The following PSMC3 variants were observed in gnomAD, a reference collection of about 807,000 sequenced individuals.
PSMC3 encodes the protein proteasome 26S subunit, ATPase 3.
PSMC3 carries 11 observed loss-of-function variants against 52.0 expected under a neutral mutation model. That is an observed-to-expected ratio of 0.21 (90% CI 0.13 to 0.35). The LOEUF is 0.35. Ranked by LOEUF, PSMC3 falls within the 10% of genes least tolerant of loss-of-function variation. The pLI, the probability that PSMC3 is intolerant of heterozygous loss-of-function variation, is 1.00. For missense variants in PSMC3, 238 were observed against 567.1 expected (o/e 0.42, Z 5.89); for synonymous variants, 201 against 218.8 (o/e 0.92, Z 0.72).
chr11:47,419,721 T>C (rs1012760546), intron 10 of PSMC3, among the ~76,000 whole-genome samples: 56 of 151,972 alleles, frequency 3.7e-4, no homozygotes, highest in African/African-American at 1.4e-3. Context: ...TAGCCGGGCG[T>C]GGTGGCGGGC....
intron 2 of PSMC3, 64 bp downstream of exon 2, chr11:47,425,803 G>C: frequency 6.9e-7 from 1 of 1,449,896 alleles, no homozygotes; most frequent in Non-Finnish European, 9.5e-7. Context: ...TACGAGAGGC[G>C]ACTCGGATCG....
intron 11 of PSMC3, 49 bp downstream of exon 11, chr11:47,419,067 G>C (rs543518189): frequency 6.2e-7 from 1 of 1,611,032 alleles, no homozygotes. Context: ...TGTCCAGGGA[G>C]GGGGCAAGAA....
rs1321128793 is a variant in PSMC3 at position 47,426,188 on chromosome 11, G to A, written c.75+17C>T. 6.4e-7 allele frequency: 1 copy of A among 1,554,208 alleles called. No individual in the cohort carries two copies. Among genetic ancestry groups the A allele is most frequent in the Admixed American group, 1.9e-5 (1 of 51,434 alleles). On this transcript the variant is annotated intron_variant, in intron 1 of 11. Transcript: ENST00000298852. ...GCGGGCCCCGGTTCCCGGACCGCCA[G>A]CTCGCCCGGTGCCCACCTCGGCCTC...
In PSMC3 at chr11:47,425,853, A is replaced by T. The variant is rs372362891; in HGVS notation, c.159+14T>A. ...GTGGGGGCTCCATCGCCCGCACAGG[A>T]GCTGTGCGCCCACCTTGATCTCACT... On this transcript the variant is annotated intron_variant, in intron 2 of 11. Coordinates refer to ENST00000298852, the MANE Select transcript of PSMC3 (RefSeq NM_002804.5). 4 of 1,609,896 alleles carry T rather than the reference A, an allele frequency of 2.5e-6. No homozygotes were observed. In the African/African-American group the frequency reaches 5.4e-5, roughly 22 times the overall value.
At chr11:47,425,565 TCTC>T (rs1462265203) in intron 2 of PSMC3, 1 of 535,120 alleles carries the variant, frequency 1.9e-6, no homozygotes. Flanking sequence ...TCTGGGCCTG[TCTC>T]CTCATCTGTA....
rs764545358 is a variant in PSMC3, at chr11:47,424,469, C to T, written c.413G>A (p.Gly138Glu). 4 of 1,614,080 alleles carry T rather than the reference C, an allele frequency of 2.5e-6. No individual in the cohort carries two copies. Among genetic ancestry groups the T allele is most frequent in the Non-Finnish European group, 3.4e-6 (4 of 1,180,040 alleles). Residue 138 changes from glycine to glutamate, a missense_variant, in exon 5 of 12, where the codon GGG becomes GAG. Gly to Glu is a moderately conservative substitution (Grantham distance 98). This residue lies in a region of PSMC3 where 60 missense variants were observed against 117.3 expected (regional missense o/e 0.51). Transcript: ENST00000298852. The surrounding 1 kb of genome is among the most constrained non-coding windows in gnomAD (Gnocchi z 4.8). ...CTTTAGCTTTTCAGCATCCACCAAC[C>T]CAATCACAGGAAGGAAGTACGTCTG... Reference protein sequence around the residue: ...TRQTYFLPVIGLVDAEKLKPG... With the variant: ...TRQTYFLPVIELVDAEKLKPG...
Position 47,422,784 on chromosome 11 carries a change from T to C in PSMC3, c.735+46A>G, listed in dbSNP as rs1565676000. ...GACCCTTTGAGCCCATCTGGTAGAG[T>C]TTCTGCTCCTGCCCACTTCCCCCGC... is the stretch of plus-strand genomic sequence containing the variant. On this transcript the variant is annotated intron_variant, in intron 7 of 11. Coordinates refer to ENST00000298852, the MANE Select transcript of PSMC3 (RefSeq NM_002804.5). This position sits in a 1 kb window ranked among gnomAD's most constrained non-coding sequence, Gnocchi z 4.3. 1 of 1,605,568 alleles carries C rather than the reference T, an allele frequency of 6.2e-7. No homozygotes were observed. The highest frequency in any genetic ancestry group is 8.5e-7 in the Non-Finnish European group (1 of 1,173,988).
At position 47,424,420 on chromosome 11, in the gene PSMC3, C is replaced by G. The variant is rs747978321; in HGVS notation, c.453+9G>C. On this transcript the variant is annotated intron_variant, in intron 5 of 11. Coordinates refer to ENST00000298852, the MANE Select transcript of PSMC3 (RefSeq NM_002804.5). This position sits in a 1 kb window ranked among gnomAD's most constrained non-coding sequence, Gnocchi z 4.8. ...AGAAAAGCACTGCCTGGGCTCAGGCCCCACTCACCACCAGGTCTCCTGGCT... is the reference window on the plus strand; with the variant it reads ...AGAAAAGCACTGCCTGGGCTCAGGCGCCACTCACCACCAGGTCTCCTGGCT... The G allele has an allele frequency of 6.2e-7, 1 of 1,613,884 alleles. No homozygotes were observed. Among genetic ancestry groups the G allele is most frequent in the East Asian group, 2.2e-5 (1 of 44,886 alleles).
chr11:47,426,423 T>A lies in PSMC3; in HGVS notation c.-144A>T. On this transcript the variant is annotated 5_prime_UTR_variant, in exon 1 of 12. Transcript: ENST00000298852. ...TTGACCCGACCAGCTCCGGCCGTGC[T>A]GCGGAGCAGCGAATCTGCCTCTCCG... 1.5e-6 allele frequency: 1 copy of A among 669,318 alleles called. No homozygotes were observed. The highest frequency in any genetic ancestry group is 3.2e-5 in the East Asian group (1 of 30,866). The allele number at this position is 669,318 out of a possible 1,614,324, so 41.5% of individuals were successfully genotyped here.
chr11:47,420,230 C>A, intron 10 of PSMC3, 34 bp downstream of exon 10: 1 of 1,610,126 alleles, frequency 6.2e-7, no homozygotes, highest in South Asian at 1.1e-5. Flanking sequence ...TGCGCCTGTT[C>A]AGGTCTCTGT....
At chr11:47,420,547 C>A in intron 9 of PSMC3, 84 bp downstream of exon 9, 1 of 1,513,270 alleles carries the variant, frequency 6.6e-7, no homozygotes, top group South Asian at 1.2e-5. Flanking sequence ...ATTCTCATTC[C>A]AGCTCCACCA....
chr11:47,423,137 C>T (rs1274220363), intron 6 of PSMC3, among the ~76,000 whole-genome samples, 164 bp from the exon 7 acceptor site: 2 of 152,162 alleles, frequency 1.3e-5, no homozygotes, highest in African/African-American at 4.8e-5. Context: ...CGGTGGCTCA[C>T]GCCTGTAATC....
rs1324234146 is a variant in PSMC3, at chr11:47,424,748, C to T, written c.286-37G>A. On this transcript the variant is annotated intron_variant, in intron 3 of 11. Transcript: ENST00000298852. This position sits in a 1 kb window ranked among gnomAD's most constrained non-coding sequence, Gnocchi z 4.8. ...AAAATACTCAGCTCCTTGAACTCCC[C>T]AAGGCCCAGTGCTTCCTAAGACAGT... The T allele has an allele frequency of 1.3e-6, 2 of 1,513,664 alleles. No homozygotes were observed. Among genetic ancestry groups the T allele is most frequent in the Admixed American group, 3.3e-5 (2 of 59,834 alleles). 93.8% of individuals were successfully genotyped at this position (1,513,664 alleles called of 1,614,324 possible).
At position 47,420,737 on chromosome 11, in the gene PSMC3, A is replaced by C. The variant is rs749447801; in HGVS notation, c.885-10T>G. 4.5e-6 allele frequency: 7 copies of C among 1,554,184 alleles called. No homozygotes were observed. In the South Asian group the frequency reaches 8.3e-5, roughly 18 times the overall value. On this transcript the variant is annotated splice_polypyrimidine_tract_variant and intron_variant, in intron 8 of 11. Coordinates refer to ENST00000298852, the MANE Select transcript of PSMC3 (RefSeq NM_002804.5). ...CTTCTCACTGTCAAAGCTAGGGCAC[A>C]GGAAGCCCGAGATGCTGGTGAGGGC...
At chr11:47,426,095 C>G in intron 1 of PSMC3, 110 bp downstream of exon 1, 1 of 1,432,042 alleles carries the variant, frequency 7.0e-7, no homozygotes. Context: ...CAAACAACCC[C>G]GTCCCCGGGA....
intron 2 of PSMC3, 82 bp downstream of exon 2, chr11:47,425,785 T>A: frequency 7.9e-7 from 1 of 1,263,808 alleles, no homozygotes; most frequent in South Asian, 1.3e-5. Context: ...GGGTGCCCGA[T>A]TAGGAAGTAC....
At position 47,422,365 on chromosome 11, in the gene PSMC3, A is replaced by G. The variant is rs2096041611; in HGVS notation, c.884+209T>C. 6.6e-6 allele frequency among the ~76,000 whole-genome samples: 1 copy of G among 152,128 alleles called. No homozygotes were observed. The highest frequency in any genetic ancestry group is 2.4e-5 in the African/African-American group (1 of 41,430). ...CCCAGATTCCTGTTTTGAAAGGAAC[A>G]TGCTGGCAGCTGTGGGAATGAATGG... On this transcript the variant is annotated intron_variant, in intron 8 of 11. Transcript: ENST00000298852. The surrounding 1 kb of genome is among the most constrained non-coding windows in gnomAD (Gnocchi z 4.3).
At chr11:47,423,796 A>G (rs2096043445) in intron 6 of PSMC3, among the ~76,000 whole-genome samples, 1 of 151,888 alleles carries the variant, frequency 6.6e-6, no homozygotes, top group South Asian at 2.1e-4. Context: ...TCTCGGAAAA[A>G]AAAAAAAAAA....
intron 10 of PSMC3, among the ~76,000 whole-genome samples, chr11:47,419,739 G>A (rs2096037956): frequency 6.6e-6 from 1 of 151,956 alleles, no homozygotes; most frequent in East Asian, 1.9e-4. Context: ...GGCGCCTGTA[G>A]TCCCAGCTAC....
Sources: allele counts gnomAD v4.1 joint callset (sites outside exome capture counted in the v4.1 genomes callset), GRCh38; gene constraint gnomAD v4.1.1; regional missense constraint gnomAD v4.1.1; non-coding constraint Gnocchi (gnomAD v3.1); transcripts MANE v1.5; gene names NCBI Gene and HGNC (gene_info 2026-07-23, HGNC 2026-07-21).